TBC1D30: variants seen among roughly 807,000 people sequenced by gnomAD.
TBC1D30 encodes the protein TBC1 domain family, member 30.
In TBC1D30, 31 loss-of-function variants were observed where a neutral mutation model predicts 63.2. That is an observed-to-expected ratio of 0.49 (90% CI 0.37 to 0.66). The LOEUF (loss-of-function observed/expected upper bound fraction) is 0.66. Among genes scored for constraint, TBC1D30 ranks in the 30% least tolerant of loss-of-function variants. TBC1D30 has a pLI of 0.00. For synonymous variants in TBC1D30, 307 were observed against 361.5 expected (o/e 0.85, Z 1.71); for missense variants, 810 against 953.6 (o/e 0.85, Z 1.98).
At position 64,842,463 on chromosome 12, in the gene TBC1D30, A is replaced by G. The variant is rs557763919; in HGVS notation, c.933-917A>G. ...TTTGTAGAAGAAAGATTGAAGTCCA[A>G]CCTGGCTCACAGGTAGCCAAGTGAG... On this transcript the variant is annotated intron_variant, in intron 7 of 11. Coordinates refer to ENST00000539867, the MANE Select transcript of TBC1D30 (RefSeq NM_015279.2). Among the ~76,000 whole-genome samples the G allele has an allele frequency of 2.0e-4, 31 of 152,354 alleles. No homozygotes were observed. In the South Asian group the frequency reaches 6.2e-3, roughly 31 times the overall value.
At chr12:64,850,067 T>C (rs1207107916) in intron 8 of TBC1D30, among the ~76,000 whole-genome samples, 1 of 152,226 alleles carries the variant, frequency 6.6e-6, no homozygotes, top group Non-Finnish European at 1.5e-5. Flanking sequence ...GATTTGGCTC[T>C]CTGTTTGTCT....
chr12:64,783,028 G>A (rs977002359), intron 1 of TBC1D30, among the ~76,000 whole-genome samples: 2 of 152,098 alleles, frequency 1.3e-5, no homozygotes, highest in Non-Finnish European at 2.9e-5. Flanking sequence ...CAGGTTATTT[G>A]ATCTTTTTCT....
intron 2 of TBC1D30, among the ~76,000 whole-genome samples, chr12:64,814,854 A>C (rs976800036): frequency 2.0e-5 from 3 of 152,204 alleles, no homozygotes; most frequent in African/African-American, 2.4e-5. Flanking sequence ...ACAAGACATA[A>C]ATTTGACCAT....
chr12:64,812,378 T>C (rs1873267352), intron 2 of TBC1D30, among the ~76,000 whole-genome samples: 2 of 152,214 alleles, frequency 1.3e-5, no homozygotes, highest in Non-Finnish European at 2.9e-5. Context: ...TTATTATTGT[T>C]AATCCTCCTC....
chr12:64,859,034 G>A (rs1010225724), intron 8 of TBC1D30, among the ~76,000 whole-genome samples: 2 of 152,002 alleles, frequency 1.3e-5, no homozygotes, highest in African/African-American at 4.8e-5. Context: ...GTGTGTGTGT[G>A]TGTGTGTCTG....
At chr12:64,834,656 G>T (rs951342913) in intron 5 of TBC1D30, among the ~76,000 whole-genome samples, 11 of 147,770 alleles carry the variant, frequency 7.4e-5, no homozygotes, top group Admixed American at 2.7e-4. Flanking sequence ...TGATCCTCCT[G>T]CCTCAGTCTC....
intron 2 of TBC1D30, among the ~76,000 whole-genome samples, 180 bp downstream of exon 2, chr12:64,828,076 A>G (rs1198956703): frequency 6.6e-6 from 1 of 152,228 alleles, no homozygotes; most frequent in Non-Finnish European, 1.5e-5. Context: ...TTGCAGTGAC[A>G]AATTTTGCAC....
chr12:64,875,321 G>A lies in TBC1D30; in HGVS notation c.1819G>A (p.Ala607Thr). ...CAGCAAGACCAATGGGCTGGGGGCA[G>A]CAGAGGCATTCCCCTCTGGTTGTAC... ...EASKTNGLGA[A>T]EAFPSGCTAT... The change falls in exon 12 of 12, where the codon GCA becomes ACA. Residue 607 changes from alanine (A) to threonine (T), a missense_variant. Ala to Thr is a moderately conservative substitution (Grantham distance 58, BLOSUM62 0). Coordinates refer to ENST00000539867, the MANE Select transcript of TBC1D30 (RefSeq NM_015279.2). The A allele has an allele frequency of 6.5e-7, 1 of 1,536,294 alleles. No homozygotes were observed. The highest frequency in any genetic ancestry group is 8.7e-7 in the Non-Finnish European group (1 of 1,146,926).
chr12:64,862,478 G>T (rs985456689), intron 8 of TBC1D30, among the ~76,000 whole-genome samples: 9 of 152,190 alleles, frequency 5.9e-5, no homozygotes, highest in Non-Finnish European at 1.0e-4. Flanking sequence ...TAGCTGAGTG[G>T]CCCCTGAGGG....
rs757015268 is a variant in TBC1D30, at chr12:64,875,066, C to G, written c.1564C>G (p.Leu522Val). The change falls in exon 12 of 12, where the codon CTT becomes GTT. Residue 522 changes from leucine (L) to valine (V), a missense_variant. Physicochemically the swap from Leu to Val is conservative, Grantham distance 32 (BLOSUM62 1). Around this residue, in one of 4 missense-constraint regions of TBC1D30, gnomAD observed 450 missense variants for 473.0 expected, o/e 0.95. Transcript: ENST00000539867. ...CAGTTCTCCAGTTATAAACCACCTT[C>G]TTTTAGGAAAGAAGATGAAAATGAC... ...VNSSPVINHLLLGKKMKMTNR... is the reference protein window; with the variant it reads ...VNSSPVINHLVLGKKMKMTNR... 7.2e-6 allele frequency: 11 copies of G among 1,536,730 alleles called. No individual in the cohort carries two copies. The highest frequency in any genetic ancestry group is 9.6e-6 in the Non-Finnish European group (11 of 1,147,036).
In TBC1D30 at chr12:64,879,683, TTAAG is replaced by T. The variant is rs1165672092; in HGVS notation, c.*3900_*3903del. 2 of 152,196 alleles carry T rather than the reference TTAAG, an allele frequency of 1.3e-5. No homozygotes were observed. The highest frequency in any genetic ancestry group is 2.9e-5 in the Non-Finnish European group (2 of 68,044). The allele number at this position is 152,196 out of a possible 1,614,324, so 9.4% of individuals were successfully genotyped here. A position where few individuals can be genotyped will look rare whatever the true frequency, so the allele number is the denominator to read the frequency against. ...TCATTCCTGACTTTTAAAAGAAGCA[TTAAG>T]TAAGATGTTGAGGTTTCTGGTAGGT... On this transcript the variant is annotated 3_prime_UTR_variant, in exon 12 of 12. Coordinates refer to ENST00000539867, the MANE Select transcript of TBC1D30 (RefSeq NM_015279.2).
intron 1 of TBC1D30, among the ~76,000 whole-genome samples, chr12:64,826,543 G>C (rs1379539481): frequency 6.6e-6 from 1 of 152,146 alleles, no homozygotes; most frequent in African/African-American, 2.4e-5. Context: ...CTTGTTTTCA[G>C]CGTGCCTTAA....
chr12:64,839,243 C>G (rs1286594151), intron 7 of TBC1D30, among the ~76,000 whole-genome samples: 4 of 152,198 alleles, frequency 2.6e-5, no homozygotes, highest in Non-Finnish European at 1.5e-5. Flanking sequence ...TTATTTTGTT[C>G]TGCCTTTCAG....
chr12:64,857,885 G>T (rs1056659259), intron 8 of TBC1D30, among the ~76,000 whole-genome samples: 2 of 152,162 alleles, frequency 1.3e-5, no homozygotes, highest in Admixed American at 1.3e-4. Flanking sequence ...GCAGCACTGA[G>T]TTCAATGTAA....
At chr12:64,825,358 A>C in intron 1 of TBC1D30, 1 of 322,878 alleles carries the variant, frequency 3.1e-6, no homozygotes, top group Non-Finnish European at 5.7e-6. Flanking sequence ...GGGCCCTCAG[A>C]GGCCGCACCA....
At chr12:64,795,373 C>T (rs1283809951) in intron 2 of TBC1D30, among the ~76,000 whole-genome samples, 1 of 152,126 alleles carries the variant, frequency 6.6e-6, no homozygotes, top group South Asian at 2.1e-4. Flanking sequence ...AGGTACTCAC[C>T]CTCAGCTGGT....
chr12:64,828,432 C>G lies in TBC1D30; in HGVS notation c.217-12C>G. 6.5e-7 allele frequency: 1 copy of G among 1,533,754 alleles called. No homozygotes were observed. The highest frequency in any genetic ancestry group is 8.7e-7 in the Non-Finnish European group (1 of 1,144,956). On this transcript the variant is annotated splice_polypyrimidine_tract_variant and intron_variant, in intron 2 of 11. Transcript: ENST00000539867. ...CTGTGATCACCTCCTGGGATTTCTT[C>G]TTTGTTCCTAGTGGTACGATGCTCT...
intron 8 of TBC1D30, among the ~76,000 whole-genome samples, chr12:64,860,366 G>A (rs1290452557): frequency 6.6e-6 from 1 of 152,072 alleles, no homozygotes; most frequent in East Asian, 1.9e-4. Flanking sequence ...TGTTTCCCAG[G>A]CTGGTCTTGA....
In TBC1D30 at chr12:64,836,572, T is replaced by A; in HGVS notation, c.677T>A (p.Val226Asp). 8 of 1,536,058 alleles carry A rather than the reference T, an allele frequency of 5.2e-6. No individual in the cohort carries two copies. Among genetic ancestry groups the A allele is most frequent in the Non-Finnish European group, 7.0e-6 (8 of 1,146,878 alleles). The change falls in exon 6 of 12, where the codon GTC becomes GAC. Residue 226 changes from valine (V) to aspartate (D), a missense_variant. This residue lies in a region of TBC1D30 where 272 missense variants were observed against 335.9 expected (regional missense o/e 0.81). Transcript: ENST00000539867. ...CGGGCATTGTCTGTGGATATGGCTG[T>A]CTTCAGAGACCTTTTAAGAATGAAG... is the stretch of plus-strand genomic sequence containing the variant. ...NLRALSVDMA[V>D]FRDLLRMKLP...
Sources: gnomAD v4.1 joint callset for allele counts (sites outside exome capture counted in the v4.1 genomes callset) on GRCh38, gnomAD v4.1.1 for gene constraint, gnomAD v4.1.1 regional missense constraint, MANE v1.5 for transcripts, NCBI Gene and HGNC (gene_info 2026-07-23, HGNC 2026-07-21) for gene names.